Variants in GSTP1 observed in about 807,000 individuals in gnomAD.
The protein encoded by GSTP1 is glutathione S-transferase P.
GSTP1 carries 28 observed loss-of-function variants against 29.4 expected under a neutral mutation model. The observed-to-expected ratio is 0.95, with a 90% CI of 0.71 to 1.30. The LOEUF is 1.30. GSTP1 is among the 50% of genes most tolerant of loss of function. The probability of loss-of-function intolerance (pLI) is 0.00; values close to 1 mark genes in which losing one functional copy is unlikely to be tolerated. For synonymous variants in GSTP1, 122 were observed against 117.0 expected, an observed-to-expected ratio of 1.04 and a Z score of -0.28; for missense variants, 267 against 266.1, an observed-to-expected ratio of 1.00 and a Z score of -0.02.
At chr11:67,584,836 G>C in intron 4 of GSTP1, 64 bp downstream of exon 4, 1 of 1,208,138 alleles carries the variant, frequency 8.3e-7, no homozygotes, top group Non-Finnish European at 1.2e-6. Flanking sequence ...GAGCCCTTTT[G>C]TTTAAATCAG....
chr11:67,585,115 T>C (rs2134394110), intron 4 of GSTP1, 23 bp from the exon 5 acceptor site: 2 of 1,511,810 alleles, frequency 1.3e-6, no homozygotes, highest in Non-Finnish European at 1.8e-6. Context: ...TCACGCGGCC[T>C]GCTCCCCTCC....
chr11:67,585,376 T>C, intron 5 of GSTP1, 135 bp downstream of exon 5: 1 of 619,720 alleles, frequency 1.6e-6, no homozygotes, highest in Non-Finnish European at 2.8e-6. Flanking sequence ...GGGTCAGCTC[T>C]GGGCCAGGGG....
chr11:67,584,990 G>A, intron 4 of GSTP1, 148 bp from the exon 5 acceptor site: 1 of 642,828 alleles, frequency 1.6e-6, no homozygotes, highest in East Asian at 2.7e-5. Context: ...CACCTGCTGT[G>A]TGGCAGTCTC....
At position 67,584,766 on chromosome 11, in the gene GSTP1, A is replaced by AC; in HGVS notation, c.229dup (p.Leu77ProfsTer19). On this transcript the variant is annotated frameshift_variant, in exon 4 of 7. Coordinates refer to ENST00000398606, the MANE Select transcript of GSTP1 (RefSeq NM_000852.4). LOFTEE classifies it high-confidence loss of function. ...TACCATCCTGCGTCACCTGGGCCGC[A>AC]CCCTTGGTGAGTCTTGAACCTCCAA... The AC allele has an allele frequency of 6.2e-7, 1 of 1,608,358 alleles. No individual in the cohort carries two copies. The highest frequency in any genetic ancestry group is 8.5e-7 in the Non-Finnish European group (1 of 1,175,288).
In GSTP1 at chr11:67,586,546, A is replaced by C. The variant is rs376074280; in HGVS notation, c.602A>C (p.Asn201Thr). Residue 201 changes from asparagine (N) to threonine (T), a missense_variant, in exon 7 of 7, where the codon AAC becomes ACC. By Grantham distance (65) the Asn-to-Thr change is moderately conservative (BLOSUM62 0). Transcript: ENST00000398606. The stretch of plus-strand genomic sequence containing the variant: ...TTCCTGGCCTCCCCTGAGTACGTGA[A>C]CCTCCCCATCAATGGCAACGGGAAA... ...KAFLASPEYV[N>T]LPINGNGKQ is the part of the protein sequence containing the mutation. The C allele has an allele frequency of 7.4e-6, 12 of 1,613,424 alleles. No homozygotes were observed. In the African/African-American group the frequency reaches 1.3e-4, roughly 18 times the overall value.
intron 5 of GSTP1, among the ~76,000 whole-genome samples, chr11:67,585,510 C>T (rs1439735334): frequency 6.6e-6 from 1 of 152,124 alleles, no homozygotes. Context: ...TTTCTGATCT[C>T]CTGGGGTGGC....
rs754507313 is a variant in GSTP1, at chr11:67,586,609, T to C, written c.*32T>C. Reference sequence around the variant, plus strand: ...GGGGGACTCTGAGCGGGAGGCAGAGTTTGCCTTCCTTTCTCCAGGACCAAT... The same window carrying C: ...GGGGGACTCTGAGCGGGAGGCAGAGCTTGCCTTCCTTTCTCCAGGACCAAT... On this transcript the variant is annotated 3_prime_UTR_variant, in exon 7 of 7. Coordinates refer to ENST00000398606, the MANE Select transcript of GSTP1 (RefSeq NM_000852.4). The C allele has an allele frequency of 6.4e-7, 1 of 1,557,916 alleles. No individual in the cohort carries two copies. Among genetic ancestry groups the C allele is most frequent in the Non-Finnish European group, 8.8e-7 (1 of 1,138,430 alleles).
Position 67,586,146 on chromosome 11 carries a change from C to A in GSTP1, c.379C>A (p.Leu127Met). Residue 127 changes from leucine (L) to methionine (M), a missense_variant, in exon 6 of 7, where the codon CTG becomes ATG. Leu to Met is a conservative substitution (Grantham distance 15). Coordinates refer to ENST00000398606, the MANE Select transcript of GSTP1 (RefSeq NM_000852.4). ...DDYVKALPGQ[L>M]KPFETLLSQN... ...CTATGTGAAGGCACTGCCCGGGCAA[C>A]TGAAGCCTTTTGAGACCCTGCTGTC... 1 of 1,614,032 alleles carries A rather than the reference C, an allele frequency of 6.2e-7. No individual in the cohort carries two copies. The highest frequency in any genetic ancestry group is 8.5e-7 in the Non-Finnish European group (1 of 1,179,956).
chr11:67,586,272 G>A (rs1867465742), intron 6 of GSTP1, 61 bp downstream of exon 6: 2 of 1,524,924 alleles, frequency 1.3e-6, no homozygotes, highest in African/African-American at 2.7e-5. Flanking sequence ...ATGGACACAG[G>A]TGTGAGCCAT....
rs755073433 is a variant in GSTP1 at position 67,586,604 on chromosome 11, CAG to C, written c.*30_*31del. The stretch of plus-strand genomic sequence containing the variant: ...GGTTGGGGGGACTCTGAGCGGGAGG[CAG>C]AGTTTGCCTTCCTTTCTCCAGGACC... On this transcript the variant is annotated 3_prime_UTR_variant, in exon 7 of 7. Coordinates refer to ENST00000398606, the MANE Select transcript of GSTP1 (RefSeq NM_000852.4). The C allele has an allele frequency of 1.3e-6, 2 of 1,574,416 alleles. No individual in the cohort carries two copies. Among genetic ancestry groups the C allele is most frequent in the Non-Finnish European group, 1.7e-6 (2 of 1,151,910 alleles).
At chr11:67,586,332 C>T in intron 6 of GSTP1, 57 bp from the exon 7 acceptor site, 10 of 1,564,276 alleles carry the variant, frequency 6.4e-6, no homozygotes, top group Non-Finnish European at 8.8e-6. Flanking sequence ...GGCCCTCTGC[C>T]CCCAATTCCT....
rs561576012 is a variant in GSTP1 at position 67,585,840 on chromosome 11, T to C, written c.337-264T>C. Reference sequence around the variant, plus strand: ...TGAGAAGTCTGAACAGGGCTGTGTCTGAATGTGAGGTCTAGAAGGATCCTC... The same window carrying C: ...TGAGAAGTCTGAACAGGGCTGTGTCCGAATGTGAGGTCTAGAAGGATCCTC... On this transcript the variant is annotated intron_variant, in intron 5 of 6. Transcript: ENST00000398606. 3.3e-5 allele frequency among the ~76,000 whole-genome samples: 5 copies of C among 152,126 alleles called. No homozygotes were observed. In the South Asian group the frequency reaches 1.0e-3, roughly 32 times the overall value.
intron 4 of GSTP1, 113 bp downstream of exon 4, chr11:67,584,885 C>T (rs916375440): frequency 3.5e-6 from 3 of 849,428 alleles, no homozygotes; most frequent in African/African-American, 1.7e-5. Flanking sequence ...AACTGAGACC[C>T]ACTGAGGTTA....
intron 4 of GSTP1, 111 bp downstream of exon 4, chr11:67,584,883 C>A (rs990651668): frequency 2.3e-6 from 2 of 854,346 alleles, no homozygotes; most frequent in Non-Finnish European, 3.9e-6. Context: ...GAAACTGAGA[C>A]CCACTGAGGT....
chr11:67,585,553 G>C (rs539628361), intron 5 of GSTP1, among the ~76,000 whole-genome samples: 74 of 152,342 alleles, frequency 4.9e-4, no homozygotes, highest in African/African-American at 1.6e-3. Flanking sequence ...AGGTGGAGGA[G>C]GATTTGTCGC....
intron 5 of GSTP1, among the ~76,000 whole-genome samples, chr11:67,585,466 G>A (rs1867452478): frequency 6.6e-6 from 1 of 152,170 alleles, no homozygotes; most frequent in Non-Finnish European, 1.5e-5. Flanking sequence ...TCATGGGGGC[G>A]AGTGCAAGGA....
At chr11:67,586,013 C>T in intron 5 of GSTP1, 91 bp from the exon 6 acceptor site, 9 of 891,176 alleles carry the variant, frequency 1.0e-5, no homozygotes, top group Non-Finnish European at 1.6e-5. Context: ...AGAGGAGAAT[C>T]TGGGACTCTG....
chr11:67,585,983 C>A, intron 5 of GSTP1, 121 bp from the exon 6 acceptor site: 1 of 693,964 alleles, frequency 1.4e-6, no homozygotes. Flanking sequence ...TTGGTACTAG[C>A]CTGGTTGTGG....
rs1867441987 is a variant in GSTP1, at chr11:67,585,031, C to G, written c.233-107C>G. 16 of 712,306 alleles carry G rather than the reference C, an allele frequency of 2.2e-5. No individual in the cohort carries two copies. In the East Asian group the frequency reaches 3.9e-4, roughly 18 times the overall value. 44.1% of individuals were successfully genotyped at this position (712,306 alleles called of 1,614,324 possible). Reference sequence around the variant, plus strand: ...CTTCCACGCACATCCTCTTCCCCTCCTCCCAGGCTGGGGCTCACAGACAGC... The same window carrying G: ...CTTCCACGCACATCCTCTTCCCCTCGTCCCAGGCTGGGGCTCACAGACAGC... On this transcript the variant is annotated intron_variant, in intron 4 of 6. Coordinates refer to ENST00000398606, the MANE Select transcript of GSTP1 (RefSeq NM_000852.4).
Sources: gnomAD v4.1 joint callset for allele counts (sites outside exome capture counted in the v4.1 genomes callset) on GRCh38, gnomAD v4.1.1 for gene constraint, MANE v1.5 for transcripts, NCBI Gene and HGNC (gene_info 2026-07-23, HGNC 2026-07-21) for gene names.